The following STAG3 variants were observed in gnomAD, a reference collection of about 807,000 sequenced individuals.
STAG3 encodes the protein STAG3 cohesin complex component.
STAG3 carries 101 observed loss-of-function variants against 160.7 expected under a neutral mutation model. The ratio of observed to expected loss-of-function variants is 0.63; its 90% CI spans 0.54 to 0.74. The LOEUF (loss-of-function observed/expected upper bound fraction) is 0.74, where lower values mean the gene tolerates loss of function less well. Among genes scored for constraint, STAG3 ranks in the 30% least tolerant of loss-of-function variants. The pLI is 0.00. For synonymous variants in STAG3, 519 were observed against 585.0 expected, an observed-to-expected ratio of 0.89 and a Z score of 1.63; for missense variants, 1,188 against 1,517.4, an observed-to-expected ratio of 0.78 and a Z score of 3.61.
intron 30 of STAG3, 74 bp downstream of exon 30, chr7:100,211,259 G>A (rs1393111127): frequency 6.6e-7 from 1 of 1,518,174 alleles, no homozygotes; most frequent in African/African-American, 1.4e-5. Context: ...TGCTGTTTCT[G>A]TTTCATGGTT....
intron 5 of STAG3, 51 bp from the exon 6 acceptor site, chr7:100,188,402 A>G (rs1238097589): frequency 8.2e-7 from 1 of 1,213,682 alleles, no homozygotes; most frequent in East Asian, 2.3e-5. Context: ...GTAAATGATC[A>G]AAGCATCCTG....
intron 29 of STAG3, among the ~76,000 whole-genome samples, chr7:100,205,829 CAA>C (rs111450430): frequency 2.5e-4 from 24 of 95,766 alleles, no homozygotes; most frequent in Admixed American, 4.4e-4. Context: ...GACTCTGTCT[CAA>C]AAAAAAAAAA....
chr7:100,205,134 G>T lies in STAG3; in HGVS notation c.3080+1G>T, dbSNP rs200733569. The T allele has an allele frequency of 1.9e-6, 3 of 1,614,026 alleles. No individual in the cohort carries two copies. Among genetic ancestry groups the T allele is most frequent in the African/African-American group, 1.3e-5 (1 of 74,926 alleles). On this transcript the variant is annotated splice_donor_variant, in intron 28 of 33. Transcript: ENST00000615138. LOFTEE classifies it high-confidence loss of function. ...TCTTCCATCAGGACAAGCAGCTTTT[G>T]TAAGTTGGTGGGTGGATAGAGATGT...
chr7:100,211,252 T>G, intron 30 of STAG3, 67 bp downstream of exon 30: 1 of 1,524,484 alleles, frequency 6.6e-7, no homozygotes, highest in Non-Finnish European at 8.8e-7. Flanking sequence ...TCCATCTTGC[T>G]GTTTCTGTTT....
At chr7:100,191,247 T>C (rs1228090454) in intron 8 of STAG3, among the ~76,000 whole-genome samples, 4 of 152,186 alleles carry the variant, frequency 2.6e-5, no homozygotes, top group Non-Finnish European at 5.9e-5. Flanking sequence ...TAGACACTGC[T>C]AAATCTCCCC....
At chr7:100,198,034 G>A in intron 11 of STAG3, 53 bp from the exon 12 acceptor site, 1 of 1,594,200 alleles carries the variant, frequency 6.3e-7, no homozygotes, top group Non-Finnish European at 8.6e-7. Flanking sequence ...TAAGAGAACA[G>A]AATGTTTGGA....
intron 11 of STAG3, 27 bp from the exon 12 acceptor site, chr7:100,198,060 T>C (rs1800804906): frequency 6.2e-7 from 1 of 1,611,348 alleles, no homozygotes; most frequent in Non-Finnish European, 8.5e-7. Context: ...TGTAATGAGA[T>C]ATTGAGTGAC....
At position 100,207,579 on chromosome 7, in the gene STAG3, G is replaced by A. The variant is rs1801772028; in HGVS notation, c.3238+2195G>A. ...TTTAAAATAGGGTTGTCTTTTTATT[G>A]TTGAGTTGTAAGTATTCTTTATATA... On this transcript the variant is annotated intron_variant, in intron 29 of 33. Transcript: ENST00000615138. This position sits in a 1 kb window ranked among gnomAD's most constrained non-coding sequence, Gnocchi z 4.0. 6.6e-6 allele frequency among the ~76,000 whole-genome samples: 1 copy of A among 152,082 alleles called. No individual in the cohort carries two copies. Among genetic ancestry groups the A allele is most frequent in the South Asian group, 2.1e-4 (1 of 4,830 alleles).
chr7:100,201,264 C>T lies in STAG3; in HGVS notation c.2133C>T (p.Asn711=). 6.2e-7 allele frequency: 1 copy of T among 1,614,160 alleles called. No homozygotes were observed. The highest frequency in any genetic ancestry group is 1.6e-4 in the Middle Eastern group (1 of 6,062). Residue 711 remains asparagine, a splice_region_variant and synonymous_variant, in exon 21 of 34, where the codon AAC becomes AAT. Coordinates refer to ENST00000615138, the MANE Select transcript of STAG3 (RefSeq NM_001282717.2). ...ATLKRLSAFY[N]THDLTRWELY... The stretch of plus-strand genomic sequence containing the variant: ...TAACATTCCCCTTTCTCCCCCAAAG[C>T]ACTCATGACCTGACTCGCTGGGAGC...
chr7:100,183,998 G>A lies in STAG3; in HGVS notation c.336+1159G>A, dbSNP rs549010456. On this transcript the variant is annotated intron_variant, in intron 4 of 33. Coordinates refer to ENST00000615138, the MANE Select transcript of STAG3 (RefSeq NM_001282717.2). The stretch of plus-strand genomic sequence containing the variant: ...ATTTATGTAGGGGCCGGGCACAGTG[G>A]CTCACACCTGTGATCCCAGCACTTG... Among the ~76,000 whole-genome samples the A allele has an allele frequency of 1.1e-4, 17 of 152,316 alleles. No individual in the cohort carries two copies. In the East Asian group the frequency reaches 2.9e-3, roughly 26 times the overall value.
At position 100,200,907 on chromosome 7, in the gene STAG3, C is replaced by G; in HGVS notation, c.1999C>G (p.Arg667Gly). ...TTTCTTCAGCCGGGCGGACTTTGCC[C>G]GCAGCCAGCTAGTAGATTTGCTGAC... ...FTFFSRADFA[R>G]SQLVDLLTDR... Residue 667 changes from arginine to glycine, a missense_variant, in exon 19 of 34, where the codon CGC becomes GGC. By Grantham distance (125) the Arg-to-Gly change is moderately radical. Around this residue, in one of 4 missense-constraint regions of STAG3, gnomAD observed 647 missense variants for 717.2 expected, o/e 0.90. Coordinates refer to ENST00000615138, the MANE Select transcript of STAG3 (RefSeq NM_001282717.2). 1 of 1,614,182 alleles carries G rather than the reference C, an allele frequency of 6.2e-7. No individual in the cohort carries two copies. The highest frequency in any genetic ancestry group is 8.5e-7 in the Non-Finnish European group (1 of 1,180,048).
chr7:100,181,203 A>G (rs1172988137), intron 2 of STAG3, among the ~76,000 whole-genome samples: 2 of 152,090 alleles, frequency 1.3e-5, no homozygotes, highest in African/African-American at 4.8e-5. Flanking sequence ...CTTATTTATT[A>G]CCATATATGA....
chr7:100,201,958 T>C lies in STAG3; in HGVS notation c.2311T>C (p.Ser771Pro). The C allele has an allele frequency of 2.5e-6, 4 of 1,614,186 alleles. No homozygotes were observed. The highest frequency in any genetic ancestry group is 3.4e-6 in the Non-Finnish European group (4 of 1,180,036). Residue 771 changes from serine (S) to proline (P), a missense_variant, in exon 23 of 34, where the codon TCG becomes CCG. Physicochemically the swap from Ser to Pro is moderately conservative, Grantham distance 74 (BLOSUM62 -1). Transcript: ENST00000615138. Reference protein sequence around the residue: ...SKSDASQKQLSSLRDRMVAFC... With the variant: ...SKSDASQKQLPSLRDRMVAFC... The stretch of plus-strand genomic sequence containing the variant: ...GCCACTGTGCCCACAGAAGCAGCTG[T>C]CGAGTTTGAGGGACAGAATGGTGGC...
At position 100,200,291 on chromosome 7, in the gene STAG3, A is replaced by G; in HGVS notation, c.1733A>G (p.Glu578Gly). 1 of 1,613,718 alleles carries G rather than the reference A, an allele frequency of 6.2e-7. No homozygotes were observed. Among genetic ancestry groups the G allele is most frequent in the Non-Finnish European group, 8.5e-7 (1 of 1,179,950 alleles). ...TQADDRVKLT[E>G]HLIPLLPQLL... The stretch of plus-strand genomic sequence containing the variant: ...GCCGATGACAGGGTGAAGTTGACTG[A>G]GCACCTCATCCCCCTGCTGCCCCAG... The change falls in exon 17 of 34, where the codon GAG becomes GGG. Residue 578 changes from glutamate (E) to glycine (G), a missense_variant. Coordinates refer to ENST00000615138, the MANE Select transcript of STAG3 (RefSeq NM_001282717.2).
rs376292799 is a variant in STAG3 at position 100,202,274 on chromosome 7, C to A, written c.2497C>A (p.Leu833Ile). The A allele has an allele frequency of 1.2e-6, 2 of 1,614,182 alleles. No homozygotes were observed. Among genetic ancestry groups the A allele is most frequent in the Non-Finnish European group, 1.7e-6 (2 of 1,180,042 alleles). The change falls in exon 24 of 34, where the codon CTC becomes ATC. Residue 833 changes from leucine to isoleucine, a missense_variant. Around this residue, in one of 4 missense-constraint regions of STAG3, gnomAD observed 647 missense variants for 717.2 expected, o/e 0.90. Transcript: ENST00000615138. The part of the protein sequence containing the change: ...RPLVFFPEAT[L>I]QSELASFLMD... ...ACTTGTCTTTTTTCCTGAAGCTACTCTCCAGTCTGAGCTAGCCAGCTTCCT... is the reference window on the plus strand; with the variant it reads ...ACTTGTCTTTTTTCCTGAAGCTACTATCCAGTCTGAGCTAGCCAGCTTCCT...
At chr7:100,196,505 A>G (rs1800701485) in intron 9 of STAG3, among the ~76,000 whole-genome samples, 1 of 152,142 alleles carries the variant, frequency 6.6e-6, no homozygotes, top group Non-Finnish European at 1.5e-5. Flanking sequence ...TAAAAGAGGT[A>G]TGGAGACCGG....
rs764069089 is a variant in STAG3, at chr7:100,207,761, C to T, written c.3238+2377C>T. On this transcript the variant is annotated intron_variant, in intron 29 of 33. Coordinates refer to ENST00000615138, the MANE Select transcript of STAG3 (RefSeq NM_001282717.2). The surrounding 1 kb of genome is among the most constrained non-coding windows in gnomAD (Gnocchi z 4.0). ...GTTGCTTGTGCTTTTGGTGCCATAT[C>T]TTGAGAAATTGTTGGCTAATTCATG... Among the ~76,000 whole-genome samples, 1 of 152,140 alleles carries T rather than the reference C, an allele frequency of 6.6e-6. No individual in the cohort carries two copies. The highest frequency in any genetic ancestry group is 1.5e-5 in the Non-Finnish European group (1 of 68,040).
At chr7:100,198,759 C>T in intron 13 of STAG3, 84 bp from the exon 14 acceptor site, 1 of 1,335,508 alleles carries the variant, frequency 7.5e-7, no homozygotes. Context: ...TTATCATCTC[C>T]TTGGGCCATC....
intron 8 of STAG3, among the ~76,000 whole-genome samples, chr7:100,194,518 G>A (rs1800556585): frequency 6.6e-6 from 1 of 152,196 alleles, no homozygotes. Flanking sequence ...TGGGTGTGAT[G>A]GCCCATGCCT....
Sources: allele counts gnomAD v4.1 joint callset (sites outside exome capture counted in the v4.1 genomes callset), GRCh38; gene constraint gnomAD v4.1.1; regional missense constraint gnomAD v4.1.1; non-coding constraint Gnocchi (gnomAD v3.1); transcripts MANE v1.5; gene names NCBI Gene and HGNC (gene_info 2026-07-23, HGNC 2026-07-21).